Variants in MAPK10 observed in about 807,000 individuals in gnomAD.
MAPK10 encodes JNK3 alpha protein kinase.
MAPK10 carries 25 observed loss-of-function variants against 59.3 expected under a neutral mutation model. That is an observed-to-expected ratio of 0.42 (90% CI 0.31 to 0.59). The LOEUF (loss-of-function observed/expected upper bound fraction) is 0.59, where lower values mean the gene tolerates loss of function less well. Among genes scored for constraint, MAPK10 ranks in the 20% least tolerant of loss-of-function variants. The probability of loss-of-function intolerance (pLI) is 0.15; values close to 1 mark genes in which losing one functional copy is unlikely to be tolerated. For missense variants in MAPK10, 351 were observed against 568.9 expected (o/e 0.62, Z 3.90); for synonymous variants, 190 against 200.5 (o/e 0.95, Z 0.44).
At chr4:86,549,519 T>TA (rs1759586104) in intron 1 of MAPK10, among the ~76,000 whole-genome samples, 1 of 152,204 alleles carries the variant, frequency 6.6e-6, no homozygotes. Flanking sequence ...ATTGGGCACT[T>TA]ACCATGAATG....
chr4:86,455,882 C>T (rs1304145834), upstream of MAPK10, among the ~76,000 whole-genome samples: 3 of 152,166 alleles, frequency 2.0e-5, no homozygotes, highest in Non-Finnish European at 4.4e-5. Context: ...ATGGAACTTT[C>T]TCCAAGATAG....
At chr4:86,221,480 G>GTTT (rs5860022) in intron 2 of MAPK10, among the ~76,000 whole-genome samples, 2 of 146,474 alleles carry the variant, frequency 1.4e-5, no homozygotes, top group African/African-American at 5.0e-5. Context: ...TATATTTTTG[G>GTTT]TTTTTTTTTT....
chr4:86,442,078 T>C (rs1749487601), intron 1 of MAPK10, among the ~76,000 whole-genome samples: 1 of 152,188 alleles, frequency 6.6e-6, no homozygotes, highest in Admixed American at 6.5e-5. Context: ...ATGCTTCATT[T>C]TTTCATTTTC....
chr4:86,583,063 C>T (rs552166163), intron 1 of MAPK10, among the ~76,000 whole-genome samples: 1 of 152,194 alleles, frequency 6.6e-6, no homozygotes, highest in African/African-American at 2.4e-5. Flanking sequence ...GTTCACCCTA[C>T]CCTCACCACC....
chr4:86,262,039 C>T (rs909591042), intron 2 of MAPK10, among the ~76,000 whole-genome samples: 1 of 152,346 alleles, frequency 6.6e-6, no homozygotes, highest in Admixed American at 6.5e-5. Flanking sequence ...AATATAACTG[C>T]TATGATTTGT....
intron 2 of MAPK10, among the ~76,000 whole-genome samples, chr4:86,341,820 GA>G (rs71657572): frequency 1.2e-4 from 17 of 140,970 alleles, no homozygotes; most frequent in South Asian, 2.2e-4. Context: ...GACCAAAAAA[GA>G]AAAAAAAAAA....
intron 4 of MAPK10, among the ~76,000 whole-genome samples, chr4:86,123,023 C>T (rs1167316041): frequency 6.6e-6 from 1 of 152,062 alleles, no homozygotes; most frequent in East Asian, 1.9e-4. Flanking sequence ...CTGTTCATAG[C>T]TGTTATAACA....
At chr4:86,413,634 T>G (rs1745484258) in intron 1 of MAPK10, among the ~76,000 whole-genome samples, 1 of 152,048 alleles carries the variant, frequency 6.6e-6, no homozygotes, top group Non-Finnish European at 1.5e-5. Context: ...CAGACACCCC[T>G]CCCCCTGTCA....
At position 86,139,752 on chromosome 4, in the gene MAPK10, A is replaced by G. The variant is rs537286263; in HGVS notation, c.236+19546T>C. ...ACCATCAGAGTAGCAGGCAACATACAAAATGGGAGAAAATTTTCTCAACCT... is the reference window on the plus strand; with the variant it reads ...ACCATCAGAGTAGCAGGCAACATACGAAATGGGAGAAAATTTTCTCAACCT... On this transcript the variant is annotated intron_variant, in intron 4 of 13. Coordinates refer to ENST00000641462, the MANE Select transcript of MAPK10 (RefSeq NM_138982.4). 3.3e-5 allele frequency among the ~76,000 whole-genome samples: 5 copies of G among 152,080 alleles called. No individual in the cohort carries two copies. In the South Asian group the frequency reaches 8.3e-4, roughly 25 times the overall value.
At chr4:86,432,231 A>G (rs1380399267) in intron 1 of MAPK10, among the ~76,000 whole-genome samples, 1 of 152,026 alleles carries the variant, frequency 6.6e-6, no homozygotes, top group Non-Finnish European at 1.5e-5. Context: ...AGGCCCATTC[A>G]GTCAGTTGGG....
chr4:86,232,653 G>A lies in MAPK10; in HGVS notation c.-6-38246C>T, dbSNP rs181069748. Among the ~76,000 whole-genome samples the A allele has an allele frequency of 2.0e-3, 292 of 149,598 alleles. 2 individuals carry two copies. The highest frequency in any genetic ancestry group is 7.1e-3 in the African/African-American group (278 of 39,100). Reference sequence around the variant, plus strand: ...CTCCCAAAGTGCTGGGATTACAGGCGTGAGCCACCACGCCCGGCCTAGAGT... The same window carrying A: ...CTCCCAAAGTGCTGGGATTACAGGCATGAGCCACCACGCCCGGCCTAGAGT... On this transcript the variant is annotated intron_variant, in intron 2 of 13. Transcript: ENST00000641462.
chr4:86,350,239 G>T (rs1383344918), intron 2 of MAPK10, among the ~76,000 whole-genome samples: 2 of 148,162 alleles, frequency 1.3e-5, no homozygotes, highest in African/African-American at 5.0e-5. Flanking sequence ...TTTTGAGACG[G>T]AGTCTCACTC....
Position 86,103,117 on chromosome 4 carries a change from G to A in MAPK10, c.425+69C>T, listed in dbSNP as rs2055839926. ...TGTGTGTGTGTGTGTGTGTGTGTGT[G>A]GTGTGTGATTTTCCCTTGGGCTATC... On this transcript the variant is annotated intron_variant, in intron 6 of 13. Transcript: ENST00000641462. 10 of 743,278 alleles carry A rather than the reference G, an allele frequency of 1.3e-5. No individual in the cohort carries two copies. The South Asian group carries it at 1.5e-4, about 11-fold the overall frequency. The allele number at this position is 743,278 out of a possible 1,614,324, so 46.0% of individuals were successfully genotyped here.
At chr4:86,148,648 A>G (rs1254971952) in intron 4 of MAPK10, among the ~76,000 whole-genome samples, 3 of 152,118 alleles carry the variant, frequency 2.0e-5, no homozygotes, top group Non-Finnish European at 4.4e-5. Context: ...AGAAACTATG[A>G]CTCCGTAATT....
At chr4:86,502,485 T>C (rs1755401825) in intron 1 of MAPK10, among the ~76,000 whole-genome samples, 1 of 152,042 alleles carries the variant, frequency 6.6e-6, no homozygotes, top group South Asian at 2.1e-4. Context: ...CTCTTGACCA[T>C]TCCTTTGAAA....
intron 1 of MAPK10, among the ~76,000 whole-genome samples, chr4:86,483,945 A>G (rs1753787680): frequency 6.6e-6 from 1 of 152,204 alleles, no homozygotes; most frequent in Non-Finnish European, 1.5e-5. Flanking sequence ...ATGTTGGAAT[A>G]GGAGCAAGAG....
intron 1 of MAPK10, among the ~76,000 whole-genome samples, chr4:86,418,446 C>A (rs1464545991): frequency 1.3e-5 from 2 of 152,092 alleles, no homozygotes; most frequent in Non-Finnish European, 2.9e-5. Context: ...ATGGCAAAAT[C>A]ATTTGTACGA....
At chr4:86,501,634 A>C (rs1755339282) in intron 1 of MAPK10, among the ~76,000 whole-genome samples, 1 of 151,926 alleles carries the variant, frequency 6.6e-6, no homozygotes, top group East Asian at 1.9e-4. Flanking sequence ...GAGAAGTAAT[A>C]GTCTTAAAAC....
chr4:86,282,555 C>T (rs922460732), intron 2 of MAPK10, among the ~76,000 whole-genome samples: 2 of 152,056 alleles, frequency 1.3e-5, no homozygotes, highest in African/African-American at 4.8e-5. Context: ...GAAAAGGAAA[C>T]TTGTAAAGGT....
Sources: gnomAD v4.1 joint callset for allele counts (sites outside exome capture counted in the v4.1 genomes callset) on GRCh38, gnomAD v4.1.1 for gene constraint, MANE v1.5 for transcripts, NCBI Gene and HGNC (gene_info 2026-07-23, HGNC 2026-07-21) for gene names.